The following TRAF1 variants were observed in gnomAD, a reference collection of about 807,000 sequenced individuals.
TRAF1 encodes TNF receptor-associated factor 1.
A neutral mutation model predicts 40.9 loss-of-function variants in TRAF1; 23 were observed. The ratio of observed to expected loss-of-function variants is 0.56; its 90% CI spans 0.40 to 0.80. TRAF1 has a LOEUF of 0.80. Ranked by LOEUF, TRAF1 falls within the 30% of genes least tolerant of loss-of-function variation. TRAF1 has a pLI of 0.00. For missense variants in TRAF1, 477 were observed against 528.7 expected (o/e 0.90, Z 0.96); for synonymous variants, 206 against 218.8 (o/e 0.94, Z 0.52).
chr9:120,909,185 G>T lies in TRAF1; in HGVS notation c.1032+45C>A, dbSNP rs779613531. The T allele has an allele frequency of 2.5e-6, 4 of 1,595,488 alleles. No individual in the cohort carries two copies. In the African/African-American group the frequency reaches 5.4e-5, roughly 21 times the overall value. ...TTGCCAAACCAGGACTAGGACTCAG[G>T]CTTCCATGCTCCCCACCTTACCCCC... On this transcript the variant is annotated intron_variant, in intron 7 of 7. Coordinates refer to ENST00000373887, the MANE Select transcript of TRAF1 (RefSeq NM_005658.5).
At chr9:120,928,095 C>A (rs1236674874), upstream of TRAF1, 1 of 152,262 alleles carries the variant, frequency 6.6e-6, no homozygotes, top group East Asian at 1.9e-4. Flanking sequence ...ATCATCTCAT[C>A]TAATTTTCAC....
chr9:120,915,689 G>A (rs62578381), intron 3 of TRAF1, among the ~76,000 whole-genome samples: 6,467 of 151,950 alleles, frequency 0.043, 212 homozygotes, highest in Middle Eastern at 0.092. Flanking sequence ...TTTTTAATTA[G>A]CAGTCTTGGT....
At chr9:120,922,337 G>A (rs548009496) in intron 3 of TRAF1, among the ~76,000 whole-genome samples, 7 of 152,276 alleles carry the variant, frequency 4.6e-5, no homozygotes, top group South Asian at 4.1e-4. Flanking sequence ...TATCATCTAC[G>A]ATTACATCCT....
At chr9:120,909,123 G>A (rs540711208) in intron 7 of TRAF1, 107 bp downstream of exon 7, 262 of 1,362,798 alleles carry the variant, frequency 1.9e-4, no homozygotes, top group Admixed American at 7.6e-4. Context: ...ATAACACAGA[G>A]AGGGTGGGGG....
At chr9:120,921,553 T>C (rs2046605378) in intron 3 of TRAF1, among the ~76,000 whole-genome samples, 1 of 152,224 alleles carries the variant, frequency 6.6e-6, no homozygotes, top group Non-Finnish European at 1.5e-5. Flanking sequence ...AAGTGAGGCA[T>C]AGTGGCTCAC....
chr9:120,911,629 C>G, intron 5 of TRAF1, 116 bp from the exon 6 acceptor site: 1 of 1,220,736 alleles, frequency 8.2e-7, no homozygotes, highest in Non-Finnish European at 1.1e-6. Flanking sequence ...ACGCCTCACT[C>G]AGGTGTGCGT....
chr9:120,923,887 G>A, intron 2 of TRAF1, 95 bp from the exon 3 acceptor site: 1 of 1,121,970 alleles, frequency 8.9e-7, no homozygotes, highest in Admixed American at 1.7e-5. Flanking sequence ...CTATCAGCAG[G>A]GTGGTGATCA....
rs747468741 is a variant in TRAF1 at position 120,909,303 on chromosome 9, G to T, written c.959C>A (p.Thr320Asn). Reference sequence around the variant, plus strand: ...GATCACGATGAAGAGCGACAGATGGGTTCTCTTTCCAGTGCCATCTCCATT... The same window carrying T: ...GATCACGATGAAGAGCGACAGATGGTTTCTCTTTCCAGTGCCATCTCCATT... ...YLNGDGTGKR[T>N]HLSLFIVIMR... Residue 320 changes from threonine to asparagine, a missense_variant, in exon 7 of 8, where the codon ACC (threonine) becomes AAC (asparagine). Thr to Asn is a moderately conservative substitution (Grantham distance 65). Transcript: ENST00000373887. 1.9e-6 allele frequency: 3 copies of T among 1,614,068 alleles called. No homozygotes were observed.
Position 120,926,549 on chromosome 9 carries a change from C to A in TRAF1, c.-227+1G>T, listed in dbSNP as rs889537619. The A allele has an allele frequency of 6.5e-6, 1 of 152,884 alleles. No homozygotes were observed. Among genetic ancestry groups the A allele is most frequent in the Non-Finnish European group, 1.5e-5 (1 of 68,542 alleles). The allele number at this position is 152,884 out of a possible 1,614,324, so 9.5% of individuals were successfully genotyped here. A position where few individuals can be genotyped will look rare whatever the true frequency, so the allele number is the denominator to read the frequency against. ...CTGGAATTCTCAGTGGGGGTGCTCA[C>A]CTTCCTGGTGGAAATCCCCAGGGTG... On this transcript the variant is annotated splice_donor_variant, in intron 1 of 7. Transcript: ENST00000373887. LOFTEE classifies it low-confidence loss of function (5UTR_SPLICE).
At chr9:120,914,163 G>C in intron 4 of TRAF1, 72 bp downstream of exon 4, 1 of 1,282,994 alleles carries the variant, frequency 7.8e-7, no homozygotes, top group African/African-American at 1.5e-5. Flanking sequence ...ATCATGGAGG[G>C]GCTGCAGTGG....
intron 7 of TRAF1, among the ~76,000 whole-genome samples, chr9:120,908,608 G>A (rs990311873): frequency 1.7e-4 from 26 of 152,090 alleles, no homozygotes; most frequent in African/African-American, 6.3e-4. Flanking sequence ...CACCCAGGCT[G>A]GAGTGCAGTG....
chr9:120,909,597 G>A (rs1304369322), intron 6 of TRAF1, among the ~76,000 whole-genome samples: 3 of 152,270 alleles, frequency 2.0e-5, no homozygotes, highest in Non-Finnish European at 2.9e-5. Context: ...ATACACTGCC[G>A]GGCCCCACCC....
chr9:120,912,676 G>GAAAGA (rs71508125), intron 5 of TRAF1, among the ~76,000 whole-genome samples: 67,834 of 150,356 alleles, frequency 0.45, 17,665 homozygotes, highest in South Asian at 0.69. Flanking sequence ...AAAAAAGAAA[G>GAAAGA]AAAGAAAAGA....
At chr9:120,926,453 T>G in intron 1 of TRAF1, 97 bp downstream of exon 1, 3 of 157,286 alleles carry the variant, frequency 1.9e-5, no homozygotes, top group Non-Finnish European at 2.8e-5. Flanking sequence ...CTTCCCCCAC[T>G]TCCCTGGGCA....
chr9:120,911,380 C>A lies in TRAF1; in HGVS notation c.839G>T (p.Cys280Phe). The A allele has an allele frequency of 6.2e-7, 1 of 1,613,654 alleles. No homozygotes were observed. The highest frequency in any genetic ancestry group is 8.5e-7 in the Non-Finnish European group (1 of 1,180,024). ...GGTCCTGCCACAGGCCGACTCATGG[C>A]ACCGCCTGGTGACATTGGTGATCTT... ...LWKITNVTRR[C>F]HESACGRTVS... The change falls in exon 6 of 8, where the codon TGC becomes TTC. Residue 280 changes from cysteine to phenylalanine, a missense_variant. Cys to Phe is a radical substitution (Grantham distance 205). Transcript: ENST00000373887.
intron 6 of TRAF1, among the ~76,000 whole-genome samples, chr9:120,910,105 C>T (rs77584282): frequency 0.045 from 6,808 of 152,244 alleles, 221 homozygotes; most frequent in Middle Eastern, 0.092. Flanking sequence ...TCTGGCAGAG[C>T]GCCCTTCTGG....
intron 4 of TRAF1, 81 bp downstream of exon 4, chr9:120,914,154 T>C (rs2046552149): frequency 1.6e-6 from 2 of 1,243,482 alleles, no homozygotes; most frequent in African/African-American, 3.0e-5. Context: ...TACGGGAAAA[T>C]CATGGAGGGG....
At chr9:120,928,004 C>A (rs2131639145), upstream of TRAF1, 1 of 152,412 alleles carries the variant, frequency 6.6e-6, no homozygotes, top group East Asian at 1.9e-4. Flanking sequence ...CCACGGACAT[C>A]AAAACGTGCG....
At chr9:120,906,069 C>T (rs73662464) in intron 7 of TRAF1, among the ~76,000 whole-genome samples, 3,533 of 152,262 alleles carry the variant, frequency 0.023, 131 homozygotes, top group African/African-American at 0.081. Context: ...ACCTGTTTCC[C>T]CAGACCTGAG....
Sources: gnomAD v4.1 joint callset for allele counts (sites outside exome capture counted in the v4.1 genomes callset) on GRCh38, gnomAD v4.1.1 for gene constraint, MANE v1.5 for transcripts, NCBI Gene and HGNC (gene_info 2026-07-23, HGNC 2026-07-21) for gene names.